CNTN4: variants seen among roughly 807,000 people sequenced by gnomAD.
CNTN4 encodes contactin-4.
Under a neutral mutation model 122.5 loss-of-function variants are expected in CNTN4, and 77 were observed. The observed-to-expected ratio is 0.63, with a 90% CI of 0.52 to 0.76. The LOEUF is 0.76. CNTN4 is among the 30% of genes least tolerant of loss of function. The pLI is 0.00. For missense variants in CNTN4, 1,256 were observed against 1,259.1 expected, an observed-to-expected ratio of 1.00 and a Z score of 0.04; for synonymous variants, 512 against 447.0, an observed-to-expected ratio of 1.15 and a Z score of -1.83.
At chr3:2,619,583 C>T (rs1576242250) in intron 4 of CNTN4, among the ~76,000 whole-genome samples, 1 of 152,036 alleles carries the variant, frequency 6.6e-6, no homozygotes, top group African/African-American at 2.4e-5. Flanking sequence ...AAATGATGGA[C>T]ATCAGAAGAA....
intron 2 of CNTN4, among the ~76,000 whole-genome samples, chr3:2,112,457 A>G (rs993376334): frequency 1.3e-5 from 2 of 152,190 alleles, no homozygotes; most frequent in African/African-American, 2.4e-5. Flanking sequence ...TGTATTATTA[A>G]CATGCATGTA....
intron 3 of CNTN4, among the ~76,000 whole-genome samples, chr3:2,519,466 T>A (rs1402106094): frequency 6.6e-6 from 1 of 152,208 alleles, no homozygotes; most frequent in Non-Finnish European, 1.5e-5. Flanking sequence ...GAATCTAGAA[T>A]TTCCAGAGCC....
intron 8 of CNTN4, among the ~76,000 whole-genome samples, chr3:2,878,968 T>C (rs944021723): frequency 6.6e-6 from 1 of 152,114 alleles, no homozygotes; most frequent in African/African-American, 2.4e-5. Context: ...TTATTGGTAA[T>C]AGCTAAAAGT....
At chr3:2,359,139 C>T (rs918263740) in intron 3 of CNTN4, among the ~76,000 whole-genome samples, 3 of 152,146 alleles carry the variant, frequency 2.0e-5, no homozygotes, top group Non-Finnish European at 2.9e-5. Context: ...CCTGTGACAG[C>T]CCTCTCATAT....
At chr3:2,302,532 A>G (rs926346518) in intron 2 of CNTN4, among the ~76,000 whole-genome samples, 2 of 152,232 alleles carry the variant, frequency 1.3e-5, no homozygotes, top group Non-Finnish European at 2.9e-5. Flanking sequence ...GCTAACTGGT[A>G]TATATTAACT....
At chr3:2,137,689 C>T (rs12497314) in intron 2 of CNTN4, among the ~76,000 whole-genome samples, 17,780 of 152,146 alleles carry the variant, frequency 0.12, 1,394 homozygotes, top group South Asian at 0.24. Flanking sequence ...CAGAAAAGTG[C>T]TGCAGATGAT....
intron 2 of CNTN4, among the ~76,000 whole-genome samples, chr3:2,158,766 A>G (rs902789239): frequency 6.6e-5 from 10 of 152,236 alleles, no homozygotes; most frequent in Non-Finnish European, 1.3e-4. Flanking sequence ...CATTTGGGAA[A>G]GAGAACCCAT....
At chr3:2,613,916 G>A (rs763312143) in intron 4 of CNTN4, among the ~76,000 whole-genome samples, 15 of 151,898 alleles carry the variant, frequency 9.9e-5, no homozygotes, top group Admixed American at 2.0e-4. Context: ...CAGATACTCA[G>A]TCCACAAATA....
Position 2,886,037 on chromosome 3 carries a change from C to G in CNTN4, c.756-1003C>G, listed in dbSNP as rs144992344. Among the ~76,000 whole-genome samples, 396 of 152,292 alleles carry G rather than the reference C, an allele frequency of 2.6e-3. 1 individual carries two copies. The highest frequency in any genetic ancestry group is 4.5e-3 in the Non-Finnish European group (303 of 68,016). On this transcript the variant is annotated intron_variant, in intron 9 of 24. Transcript: ENST00000418658. ...CCTGAGCTTTGATCCTGCAACATCACTTCTGTCTTATTTATTAGTCAAAGT... is the reference window on the plus strand; with the variant it reads ...CCTGAGCTTTGATCCTGCAACATCAGTTCTGTCTTATTTATTAGTCAAAGT...
chr3:3,022,624 G>A (rs1303261854), intron 14 of CNTN4, among the ~76,000 whole-genome samples: 3 of 152,058 alleles, frequency 2.0e-5, no homozygotes, highest in South Asian at 2.1e-4. Flanking sequence ...AAAAATAATG[G>A]TTAATAATTA....
At chr3:2,761,620 G>A (rs1400202) in intron 6 of CNTN4, among the ~76,000 whole-genome samples, 67,815 of 151,900 alleles carry the variant, frequency 0.45, 16,599 homozygotes, top group Non-Finnish European at 0.57. Context: ...CTCTCTCACT[G>A]GTCCACATAC....
intron 4 of CNTN4, among the ~76,000 whole-genome samples, chr3:2,595,843 A>G (rs966381307): frequency 1.3e-5 from 2 of 152,136 alleles, no homozygotes; most frequent in African/African-American, 2.4e-5. Context: ...AGGTATAAAA[A>G]TTTTCTCAAA....
At chr3:2,880,520 G>A (rs953911423) in intron 8 of CNTN4, among the ~76,000 whole-genome samples, 19 of 152,222 alleles carry the variant, frequency 1.2e-4, no homozygotes, top group African/African-American at 4.1e-4. Context: ...CAACAGCTGT[G>A]TGTGAATGTT....
At position 2,205,685 on chromosome 3, in the gene CNTN4, T is replaced by G. The variant is rs1201094289; in HGVS notation, c.-145+105046T>G. On this transcript the variant is annotated intron_variant, in intron 2 of 24. Coordinates refer to ENST00000418658, the MANE Select transcript of CNTN4 (RefSeq NM_175607.3). ...GTGCTCATGCAATTTTAAAACATAG[T>G]CCCTCAGCTTTTCTGCCTTTGAGTC... Among the ~76,000 whole-genome samples the G allele has an allele frequency of 3.9e-5, 6 of 152,138 alleles. 1 individual carries two copies. The highest frequency in any genetic ancestry group is 1.4e-4 in the African/African-American group (6 of 41,532).
intron 2 of CNTN4, among the ~76,000 whole-genome samples, 159 bp from the exon 3 acceptor site, chr3:2,339,019 G>A (rs899830846): frequency 1.3e-5 from 2 of 152,116 alleles, no homozygotes; most frequent in Admixed American, 1.3e-4. Flanking sequence ...ATTCTATTAA[G>A]CTGGAAATCT....
intron 2 of CNTN4, among the ~76,000 whole-genome samples, chr3:2,185,337 G>A (rs796140755): frequency 9.2e-5 from 14 of 152,142 alleles, no homozygotes; most frequent in African/African-American, 3.1e-4. Flanking sequence ...CCTCTAGTGT[G>A]TAAAGTCCCC....
chr3:2,866,314 G>A (rs761514529), intron 7 of CNTN4: 3 of 206,578 alleles, frequency 1.5e-5, no homozygotes, highest in South Asian at 2.1e-4. Flanking sequence ...GCATTATGAT[G>A]TAATATAATG....
intron 3 of CNTN4, among the ~76,000 whole-genome samples, chr3:2,391,780 A>G (rs1369170334): frequency 6.6e-6 from 1 of 152,120 alleles, no homozygotes; most frequent in African/African-American, 2.4e-5. Flanking sequence ...AGAATCAAAG[A>G]CTGCCCTTGA....
chr3:2,854,081 T>C (rs1343526132), intron 7 of CNTN4, among the ~76,000 whole-genome samples: 3 of 152,168 alleles, frequency 2.0e-5, no homozygotes, highest in Admixed American at 2.0e-4. Flanking sequence ...TGGTCTTTTT[T>C]GTTTTTAAAG....
Sources: allele counts gnomAD v4.1 joint callset (sites outside exome capture counted in the v4.1 genomes callset), GRCh38; gene constraint gnomAD v4.1.1; transcripts MANE v1.5; gene names NCBI Gene and HGNC (gene_info 2026-07-23, HGNC 2026-07-21).